The following ERICH1 variants were observed in gnomAD, a reference collection of about 807,000 sequenced individuals.
ERICH1 encodes the protein glutamate rich 1.
A neutral mutation model predicts 39.6 loss-of-function variants in ERICH1; 56 were observed. The ratio of observed to expected loss-of-function variants is 1.41; its 90% CI spans 1.14 to 1.77. ERICH1 has a LOEUF of 1.77. Ranked by LOEUF, ERICH1 falls within the 40% of genes most tolerant of loss-of-function variation. ERICH1 has a pLI of 0.00. For missense variants in ERICH1, 826 were observed against 575.4 expected (o/e 1.44, Z -4.45); for synonymous variants, 313 against 223.6 (o/e 1.40, Z -3.57).
chr8:710,747 T>C (rs901594303), intron 2 of ERICH1, among the ~76,000 whole-genome samples: 1 of 152,262 alleles, frequency 6.6e-6, no homozygotes, highest in Admixed American at 6.5e-5. Flanking sequence ...GTTGTCTGGA[T>C]GTACCACAAT....
At chr8:718,031 G>A (rs73178865) in intron 1 of ERICH1, among the ~76,000 whole-genome samples, 4,946 of 152,358 alleles carry the variant, frequency 0.032, 112 homozygotes, top group Non-Finnish European at 0.046. Flanking sequence ...GGAGCGCACT[G>A]AGAAACGGCA....
intron 3 of ERICH1, among the ~76,000 whole-genome samples, chr8:639,291 C>G (rs944044637): frequency 6.6e-6 from 1 of 152,196 alleles, no homozygotes; most frequent in East Asian, 1.9e-4. Context: ...CTCATCCCAT[C>G]GCAGAGCATC....
rs569380449 is a variant in ERICH1 at position 728,462 on chromosome 8, G to A, written c.22+2678C>T. ...CATCGCAGCAGGCCCCTTCCTCGAG[G>A]AGCACGCAGTCCCTGGGAGATCTGT... is the stretch of plus-strand genomic sequence containing the variant. On this transcript the variant is annotated intron_variant, in intron 1 of 5. Coordinates refer to ENST00000262109, the MANE Select transcript of ERICH1 (RefSeq NM_207332.3). Among the ~76,000 whole-genome samples, 10 of 152,268 alleles carry A rather than the reference G, an allele frequency of 6.6e-5. No homozygotes were observed. The East Asian group carries it at 1.4e-3, about 21-fold the overall frequency.
chr8:636,255 C>G (rs1220945520), intron 3 of ERICH1, among the ~76,000 whole-genome samples: 2 of 152,226 alleles, frequency 1.3e-5, no homozygotes, highest in East Asian at 3.9e-4. Flanking sequence ...TCACAGCCTC[C>G]CTGAAGCTCA....
intron 3 of ERICH1, among the ~76,000 whole-genome samples, chr8:636,756 C>A (rs971871650): frequency 6.6e-6 from 1 of 152,374 alleles, no homozygotes; most frequent in African/African-American, 2.4e-5. Context: ...GCAGGCAGCT[C>A]CCTGATGAGG....
chr8:700,227 GCGCACAGGCC>G (rs779410333), intron 2 of ERICH1, among the ~76,000 whole-genome samples: 790 of 65,014 alleles, frequency 0.012, 113 homozygotes, highest in African/African-American at 0.017. Flanking sequence ...ACCCGCACAC[GCGCACAGGCC>G]CGCACAGGCC....
At chr8:622,575 C>G (rs529270997) in intron 3 of ERICH1, among the ~76,000 whole-genome samples, 2 of 152,134 alleles carry the variant, frequency 1.3e-5, no homozygotes, top group African/African-American at 4.8e-5. Flanking sequence ...ATAAAGCACC[C>G]AGTCTGAGGT....
chr8:698,902 T>TG (rs1279958670), intron 2 of ERICH1, among the ~76,000 whole-genome samples: 1 of 147,088 alleles, frequency 6.8e-6, no homozygotes, highest in East Asian at 2.0e-4. Flanking sequence ...TCTGTGAGTT[T>TG]TTTTTTTTTT....
intron 3 of ERICH1, among the ~76,000 whole-genome samples, chr8:633,768 A>G (rs1234346015): frequency 6.6e-6 from 1 of 152,256 alleles, no homozygotes; most frequent in Non-Finnish European, 1.5e-5. Context: ...AGGTGCCAGG[A>G]TGGCAGGACT....
intron 1 of ERICH1, among the ~76,000 whole-genome samples, chr8:722,591 A>T (rs1242766168): frequency 6.6e-6 from 1 of 152,226 alleles, no homozygotes; most frequent in African/African-American, 2.4e-5. Context: ...TTCAATTCTA[A>T]ACTCTTCCTA....
intron 3 of ERICH1, among the ~76,000 whole-genome samples, chr8:689,581 C>T (rs1185963211): frequency 1.3e-5 from 2 of 152,208 alleles, no homozygotes; most frequent in Non-Finnish European, 2.9e-5. Context: ...ATGCAAGCTG[C>T]CAGCACTGTG....
At chr8:677,022 C>T (rs888303717) in intron 3 of ERICH1, among the ~76,000 whole-genome samples, 1 of 152,212 alleles carries the variant, frequency 6.6e-6, no homozygotes, top group African/African-American at 2.4e-5. Context: ...CTCTTCAAAG[C>T]GGTTTCCTAT....
intron 3 of ERICH1, among the ~76,000 whole-genome samples, chr8:624,135 C>T (rs764402238): frequency 3.9e-5 from 6 of 152,104 alleles, no homozygotes; most frequent in African/African-American, 7.2e-5. Context: ...AATGAGCGCA[C>T]GCAAAGATGT....
chr8:726,939 C>A (rs1211578281), intron 1 of ERICH1, among the ~76,000 whole-genome samples: 1 of 151,058 alleles, frequency 6.6e-6, no homozygotes, highest in African/African-American at 2.4e-5. Flanking sequence ...AACACACATA[C>A]ATACACCACA....
intron 3 of ERICH1, among the ~76,000 whole-genome samples, chr8:639,716 CACG>C (rs1798776138): frequency 8.1e-6 from 1 of 124,080 alleles, no homozygotes; most frequent in African/African-American, 3.2e-5. Flanking sequence ...CACAGCCAGC[CACG>C]AATCCAGTTA....
At chr8:684,993 T>C (rs963234984) in intron 3 of ERICH1, among the ~76,000 whole-genome samples, 1 of 152,204 alleles carries the variant, frequency 6.6e-6, no homozygotes, top group African/African-American at 2.4e-5. Flanking sequence ...TACATTGTCA[T>C]TGATAACAGG....
intron 3 of ERICH1, among the ~76,000 whole-genome samples, chr8:655,691 CCTTCCTTCCTTCCTT>C (rs1175608779): frequency 1.7e-4 from 25 of 150,822 alleles, no homozygotes; most frequent in African/African-American, 6.1e-4. Context: ...TTCCTTCCTT[CCTTCCTTCCTTCCTT>C]CTTTCCTTCC....
At chr8:657,900 C>A (rs1375054463) in intron 3 of ERICH1, among the ~76,000 whole-genome samples, 1 of 152,146 alleles carries the variant, frequency 6.6e-6, no homozygotes, top group Non-Finnish European at 1.5e-5. Flanking sequence ...CCCAGCCACT[C>A]CCAGAAGAGG....
chr8:653,201 T>C (rs1157908342), intron 3 of ERICH1, among the ~76,000 whole-genome samples: 1 of 152,250 alleles, frequency 6.6e-6, no homozygotes, highest in Non-Finnish European at 1.5e-5. Flanking sequence ...AACAGCACCA[T>C]GTCCATCTAC....
Sources: gnomAD v4.1 joint callset for allele counts (sites outside exome capture counted in the v4.1 genomes callset) on GRCh38, gnomAD v4.1.1 for gene constraint, MANE v1.5 for transcripts, NCBI Gene and HGNC (gene_info 2026-07-23, HGNC 2026-07-21) for gene names.